DPY19L2: variants seen among roughly 807,000 people sequenced by gnomAD.
The protein encoded by DPY19L2 is dpy-19 like 2, also known as probable C-mannosyltransferase DPY19L2.
In DPY19L2, 34 loss-of-function variants were observed where a neutral mutation model predicts 97.9. The ratio of observed to expected loss-of-function variants is 0.35; its 90% CI spans 0.26 to 0.46. The LOEUF (loss-of-function observed/expected upper bound fraction) is 0.46. DPY19L2 is among the 20% of genes least tolerant of loss of function. The pLI is 1.00. For synonymous variants in DPY19L2, 230 were observed against 307.9 expected, an observed-to-expected ratio of 0.75 and a Z score of 2.65; for missense variants, 623 against 911.4, an observed-to-expected ratio of 0.68 and a Z score of 4.07.
intron 12 of DPY19L2, among the ~76,000 whole-genome samples, chr12:63,607,420 T>A (rs1333892650): frequency 6.6e-6 from 1 of 152,028 alleles, no homozygotes; most frequent in African/African-American, 2.4e-5. Context: ...GGGTAAAGAG[T>A]CAAATTGGTA....
chr12:63,594,086 C>T lies in DPY19L2; in HGVS notation c.1580+1G>A, dbSNP rs748778889. On this transcript the variant is annotated splice_donor_variant, in intron 16 of 21. Transcript: ENST00000324472. LOFTEE classifies it high-confidence loss of function. ...TTTAAAAACAATGATGATATAATTA[C>T]CTTAGATAAATGTTTGTAGCTAAAA... The T allele has an allele frequency of 6.6e-7, 1 of 1,510,428 alleles. No homozygotes were observed. The allele number at this position is 1,510,428 out of a possible 1,614,324, so 93.6% of individuals were successfully genotyped here.
At chr12:63,612,651 A>C (rs1156846522) in intron 11 of DPY19L2, among the ~76,000 whole-genome samples, 1 of 151,460 alleles carries the variant, frequency 6.6e-6, no homozygotes, top group Non-Finnish European at 1.5e-5. Flanking sequence ...AACCCAAAGT[A>C]AGCAAAAGAA....
At chr12:63,632,255 G>C (rs1436779670) in intron 6 of DPY19L2, among the ~76,000 whole-genome samples, 1 of 152,110 alleles carries the variant, frequency 6.6e-6, no homozygotes, top group African/African-American at 2.4e-5. Flanking sequence ...TATTCAATTA[G>C]GAAAAGAGGA....
intron 6 of DPY19L2, among the ~76,000 whole-genome samples, chr12:63,636,345 G>T (rs1210253107): frequency 6.6e-6 from 1 of 152,098 alleles, no homozygotes; most frequent in African/African-American, 2.4e-5. Context: ...AAAGACCATC[G>T]ATGCTAGGAA....
At chr12:63,571,019 T>C (rs562184075) in intron 19 of DPY19L2, among the ~76,000 whole-genome samples, 162 bp from the exon 20 acceptor site, 98 of 152,246 alleles carry the variant, frequency 6.4e-4, no homozygotes, top group Non-Finnish European at 1.5e-4. Context: ...CATTATCTAC[T>C]ACAATAATAG....
At chr12:63,608,704 A>G in intron 11 of DPY19L2, 29 bp from the exon 12 acceptor site, 3 of 1,145,772 alleles carry the variant, frequency 2.6e-6, no homozygotes, top group Non-Finnish European at 3.8e-6. Context: ...AAAATGAAAC[A>G]ATTCAATACA....
At chr12:63,657,611 G>A (rs4044638) in intron 4 of DPY19L2, among the ~76,000 whole-genome samples, 26,204 of 151,542 alleles carry the variant, frequency 0.17, 2,622 homozygotes, top group Non-Finnish European at 0.23. Context: ...ATACCCACCA[G>A]TGTCCTCAGA....
chr12:63,597,635 CTT>C (rs34555864), intron 14 of DPY19L2, among the ~76,000 whole-genome samples, 172 bp downstream of exon 14: 1 of 148,674 alleles, frequency 6.7e-6, no homozygotes, highest in Non-Finnish European at 1.5e-5. Context: ...TAGAGGCTAT[CTT>C]TTTTTTTTAA....
chr12:63,597,974 T>C (rs947959844), intron 13 of DPY19L2, 64 bp from the exon 14 acceptor site: 78 of 1,243,308 alleles, frequency 6.3e-5, no homozygotes, highest in Non-Finnish European at 8.3e-5. Flanking sequence ...TAGACAGTAA[T>C]ACTTTATTGA....
chr12:63,593,149 G>A (rs553168276), intron 16 of DPY19L2, among the ~76,000 whole-genome samples: 29 of 152,208 alleles, frequency 1.9e-4, no homozygotes, highest in Non-Finnish European at 2.8e-4. Context: ...AACAGGTGCC[G>A]GAGAGGATGT....
chr12:63,636,482 C>G (rs575319316), intron 6 of DPY19L2, among the ~76,000 whole-genome samples: 42 of 151,996 alleles, frequency 2.8e-4, no homozygotes, highest in African/African-American at 9.7e-4. Context: ...CACAGACTGG[C>G]AAATTGGATC....
chr12:63,639,991 C>T lies in DPY19L2; in HGVS notation c.803+4412G>A, dbSNP rs182901454. Reference sequence around the variant, plus strand: ...GATAGACTCGATTAAGAAAATGTGGCACATATACACCATGGAATACTATGC... The same window carrying T: ...GATAGACTCGATTAAGAAAATGTGGTACATATACACCATGGAATACTATGC... On this transcript the variant is annotated intron_variant, in intron 6 of 21. Coordinates refer to ENST00000324472, the MANE Select transcript of DPY19L2 (RefSeq NM_173812.5). Among the ~76,000 whole-genome samples the T allele has an allele frequency of 2.7e-3, 405 of 152,226 alleles. 2 individuals carry two copies. The highest frequency in any genetic ancestry group is 9.1e-3 in the African/African-American group (379 of 41,512).
chr12:63,578,968 T>C (rs1312803356), intron 19 of DPY19L2, among the ~76,000 whole-genome samples: 1 of 152,042 alleles, frequency 6.6e-6, no homozygotes, highest in Non-Finnish European at 1.5e-5. Context: ...TGGGAAATGC[T>C]GAGCAAGAAG....
chr12:63,639,487 T>A (rs1405475024), intron 6 of DPY19L2, among the ~76,000 whole-genome samples: 2 of 150,800 alleles, frequency 1.3e-5, no homozygotes, highest in African/African-American at 4.8e-5. Context: ...TGCAAAGAAC[T>A]TAAACAAATT....
At chr12:63,568,174 T>C (rs570013940) in intron 21 of DPY19L2, among the ~76,000 whole-genome samples, 2 of 152,158 alleles carry the variant, frequency 1.3e-5, no homozygotes, top group East Asian at 3.9e-4. Context: ...TTCAATCTTT[T>C]TGGCTCCTGT....
chr12:63,633,013 T>G (rs1307751933), intron 6 of DPY19L2, among the ~76,000 whole-genome samples: 1 of 152,158 alleles, frequency 6.6e-6, no homozygotes, highest in African/African-American at 2.4e-5. Flanking sequence ...GCTAGCCATA[T>G]GTAGAAAGCT....
intron 3 of DPY19L2, among the ~76,000 whole-genome samples, chr12:63,662,833 TA>T: frequency 6.6e-6 from 1 of 152,152 alleles, no homozygotes; most frequent in East Asian, 1.9e-4. Context: ...TGAAACTTTA[TA>T]GGGGCAATAT....
At chr12:63,561,399 C>T (rs1000044999) in intron 21 of DPY19L2, among the ~76,000 whole-genome samples, 12 of 152,142 alleles carry the variant, frequency 7.9e-5, no homozygotes, top group Non-Finnish European at 1.3e-4. Context: ...CCATCACCCC[C>T]ACAAGTTCCC....
intron 16 of DPY19L2, among the ~76,000 whole-genome samples, chr12:63,587,698 G>A (rs1439826321): frequency 6.6e-6 from 1 of 151,646 alleles, no homozygotes; most frequent in African/African-American, 2.4e-5. Context: ...TCAGCCTCCC[G>A]AGTAGCTGCG....
Sources: allele counts gnomAD v4.1 joint callset (sites outside exome capture counted in the v4.1 genomes callset), GRCh38; gene constraint gnomAD v4.1.1; transcripts MANE v1.5; gene names NCBI Gene and HGNC (gene_info 2026-07-23, HGNC 2026-07-21).